SLC1A7: variants seen among roughly 807,000 people sequenced by gnomAD.
SLC1A7 encodes the protein solute carrier family 1 member 7.
A neutral mutation model predicts 47.7 loss-of-function variants in SLC1A7; 40 were observed. The observed-to-expected ratio is 0.84, with a 90% CI of 0.65 to 1.09. The LOEUF (loss-of-function observed/expected upper bound fraction) is 1.09. Ranked by LOEUF, SLC1A7 falls within the 50% of genes least tolerant of loss-of-function variation. The pLI is 0.00. For synonymous variants in SLC1A7, 323 were observed against 325.6 expected (o/e 0.99, Z 0.09); for missense variants, 746 against 769.5 (o/e 0.97, Z 0.36).
chr1:53,133,732 G>A (rs750501482), intron 2 of SLC1A7, among the ~76,000 whole-genome samples: 1 of 152,110 alleles, frequency 6.6e-6, no homozygotes, highest in Non-Finnish European at 1.5e-5. Context: ...ACTGGGTAAG[G>A]TCTGAATTCT....
At chr1:53,106,508 G>A (rs980041146) in intron 3 of SLC1A7, among the ~76,000 whole-genome samples, 2 of 151,728 alleles carry the variant, frequency 1.3e-5, no homozygotes, top group African/African-American at 4.8e-5. Flanking sequence ...GGAGGCTGAG[G>A]CAGGAGAATG....
chr1:53,133,429 C>T (rs1003447666), intron 2 of SLC1A7, among the ~76,000 whole-genome samples: 17 of 152,158 alleles, frequency 1.1e-4, no homozygotes, highest in Admixed American at 6.5e-5. Context: ...GGGATTATCT[C>T]CACTTCACAA....
intron 5 of SLC1A7, among the ~76,000 whole-genome samples, chr1:53,100,719 C>A (rs1233450778): frequency 1.3e-5 from 2 of 151,654 alleles, no homozygotes; most frequent in Admixed American, 6.6e-5. Context: ...CTCATACATA[C>A]CACCTCGGTA....
intron 2 of SLC1A7, chr1:53,118,412 T>C (rs1214126128): frequency 6.6e-6 from 1 of 152,230 alleles, no homozygotes; most frequent in Non-Finnish European, 1.5e-5. Context: ...CCCGTCTTCT[T>C]GTGTGATGGA....
chr1:53,117,995 C>G (rs1400427439), intron 2 of SLC1A7, among the ~76,000 whole-genome samples: 2 of 152,280 alleles, frequency 1.3e-5, no homozygotes, highest in Non-Finnish European at 2.9e-5. Flanking sequence ...GCCGCGGGAA[C>G]TGCTGGTGAC....
At chr1:53,135,554 G>A (rs1026338408) in intron 1 of SLC1A7, among the ~76,000 whole-genome samples, 9 of 152,278 alleles carry the variant, frequency 5.9e-5, no homozygotes, top group South Asian at 2.1e-4. Context: ...TGACTAAGGC[G>A]CCAACTCCTT....
chr1:53,124,365 T>A (rs1769306), intron 2 of SLC1A7, among the ~76,000 whole-genome samples: 197 of 152,166 alleles, frequency 1.3e-3, no homozygotes, highest in Admixed American at 6.3e-3. Context: ...GAACACTCTA[T>A]CATGCACAGC....
chr1:53,103,627 A>C, intron 4 of SLC1A7, 59 bp from the exon 5 acceptor site: 1 of 997,762 alleles, frequency 1.0e-6, no homozygotes, highest in Non-Finnish European at 1.5e-6. Context: ...ACTAATATTA[A>C]CGACAACAAT....
chr1:53,120,334 C>T (rs1410344135), intron 2 of SLC1A7, among the ~76,000 whole-genome samples: 2 of 152,124 alleles, frequency 1.3e-5, no homozygotes, highest in African/African-American at 2.4e-5. Context: ...AAACCACGCC[C>T]CCACGAAGTC....
chr1:53,090,734 G>T lies in SLC1A7; in HGVS notation c.1104C>A (p.Phe368Leu). The change falls in exon 8 of 11, where the codon TTC becomes TTA. Residue 368 changes from phenylalanine (F) to leucine (L), a missense_variant. Phe to Leu is a conservative substitution (Grantham distance 22, BLOSUM62 0). Coordinates refer to ENST00000371494, the MANE Select transcript of SLC1A7 (RefSeq NM_006671.6). ...NNHIDRRIAR[F>L]VLPVGATINM... ...TGATGGTGGCACCCACGGGCAGCACGAAGCGAGCGATGCGCCGGTCGATGT... is the reference window on the plus strand; with the variant it reads ...TGATGGTGGCACCCACGGGCAGCACTAAGCGAGCGATGCGCCGGTCGATGT... 1 of 1,613,998 alleles carries T rather than the reference G, an allele frequency of 6.2e-7. No homozygotes were observed. Among genetic ancestry groups the T allele is most frequent in the Non-Finnish European group, 8.5e-7 (1 of 1,179,962 alleles).
chr1:53,090,839 C>G (rs752900232), intron 7 of SLC1A7, 33 bp from the exon 8 acceptor site: 9 of 1,579,708 alleles, frequency 5.7e-6, no homozygotes, highest in Non-Finnish European at 7.7e-6. Flanking sequence ...CTGCCCAGCA[C>G]CCTCCTCCAG....
At chr1:53,090,869 G>A (rs747780029) in intron 7 of SLC1A7, 63 bp from the exon 8 acceptor site, 10 of 1,556,080 alleles carry the variant, frequency 6.4e-6, no homozygotes, top group South Asian at 1.2e-5. Context: ...GGCCTCTGTC[G>A]GGAAGCTCAC....
intron 5 of SLC1A7, among the ~76,000 whole-genome samples, chr1:53,097,617 C>A (rs903616204): frequency 2.0e-5 from 3 of 151,538 alleles, no homozygotes. Flanking sequence ...AACACCTCGC[C>A]TCGGTACACT....
chr1:53,116,634 A>T (rs3766785), intron 2 of SLC1A7, among the ~76,000 whole-genome samples: 28,723 of 152,128 alleles, frequency 0.19, 3,225 homozygotes, highest in Admixed American at 0.31. Flanking sequence ...AGATTATCCC[A>T]CGCAGGGCCG....
intron 1 of SLC1A7, among the ~76,000 whole-genome samples, chr1:53,141,795 C>A (rs1247099787): frequency 1.3e-5 from 2 of 152,142 alleles, no homozygotes; most frequent in African/African-American, 4.8e-5. Flanking sequence ...CTCCCAAGCT[C>A]CAAACTGGCC....
chr1:53,119,255 T>C (rs1403492617), intron 2 of SLC1A7, among the ~76,000 whole-genome samples: 1 of 152,190 alleles, frequency 6.6e-6, no homozygotes, highest in Non-Finnish European at 1.5e-5. Flanking sequence ...ATTCAGAACC[T>C]TGTGGGGTTC....
chr1:53,088,830 T>G (rs771750804), intron 10 of SLC1A7, 47 bp downstream of exon 10: 1 of 1,490,622 alleles, frequency 6.7e-7, no homozygotes, highest in South Asian at 1.1e-5. Context: ...CTGCCCACCC[T>G]GCGTGGCTCC....
At chr1:53,118,470 C>G (rs534072584) in intron 2 of SLC1A7, 3 of 152,336 alleles carry the variant, frequency 2.0e-5, no homozygotes, top group African/African-American at 7.2e-5. Flanking sequence ...CATCATCTCT[C>G]TGGGACTTTA....
intron 3 of SLC1A7, among the ~76,000 whole-genome samples, chr1:53,107,153 TAA>T (rs11417607): frequency 1.2e-4 from 3 of 24,332 alleles, no homozygotes; most frequent in Non-Finnish European, 2.0e-4. Flanking sequence ...AGACTCTGAC[TAA>T]AAAAAAAAAA....
Sources: allele counts gnomAD v4.1 joint callset (sites outside exome capture counted in the v4.1 genomes callset), GRCh38; gene constraint gnomAD v4.1.1; transcripts MANE v1.5; gene names NCBI Gene and HGNC (gene_info 2026-07-23, HGNC 2026-07-21).